The following CDIP1 variants were observed in gnomAD, a reference collection of about 807,000 sequenced individuals.
The protein encoded by CDIP1 is cell death-inducing p53-target protein 1.
CDIP1 carries 9 observed loss-of-function variants against 17.7 expected under a neutral mutation model. The ratio of observed to expected loss-of-function variants is 0.51; its 90% CI spans 0.31 to 0.89. The LOEUF is 0.89. Ranked by LOEUF, CDIP1 falls within the 40% of genes least tolerant of loss-of-function variation. The pLI, the probability that CDIP1 is intolerant of heterozygous loss-of-function variation, is 0.05. For missense variants in CDIP1, 263 were observed against 277.9 expected (o/e 0.95, Z 0.38); for synonymous variants, 117 against 109.5 (o/e 1.07, Z -0.43).
chr16:4,516,354 T>A (rs1201180568), intron 1 of CDIP1, among the ~76,000 whole-genome samples: 1 of 152,204 alleles, frequency 6.6e-6, no homozygotes, highest in Non-Finnish European at 1.5e-5. Flanking sequence ...ATTCTGTGAA[T>A]AACTAAAAAC....
At chr16:4,515,969 T>G (rs2058883065) in intron 1 of CDIP1, among the ~76,000 whole-genome samples, 1 of 152,186 alleles carries the variant, frequency 6.6e-6, no homozygotes, top group Non-Finnish European at 1.5e-5. Flanking sequence ...CACAGAAATT[T>G]GTACACAAAT....
At chr16:4,528,475 C>CT (rs146365475) in intron 1 of CDIP1, among the ~76,000 whole-genome samples, 39 of 152,192 alleles carry the variant, frequency 2.6e-4, no homozygotes, top group African/African-American at 9.4e-4. Flanking sequence ...TGTGGAGTTT[C>CT]TAGTTTTTTA....
At chr16:4,531,466 C>A (rs1162355241) in intron 1 of CDIP1, among the ~76,000 whole-genome samples, 1 of 152,134 alleles carries the variant, frequency 6.6e-6, no homozygotes, top group African/African-American at 2.4e-5. Flanking sequence ...GGCCAGAGAA[C>A]ACCTTTTGGA....
intron 1 of CDIP1, among the ~76,000 whole-genome samples, chr16:4,535,980 G>GGGGAAAGGGAACCTCCTGT (rs1298476244): frequency 6.6e-6 from 1 of 152,178 alleles, no homozygotes; most frequent in East Asian, 1.9e-4. Context: ...TCCCCTCGTG[G>GGGGAAAGGGAACCTCCTGT]GGGAAAGGGA....
chr16:4,522,002 C>A (rs893079086), intron 1 of CDIP1, among the ~76,000 whole-genome samples: 1 of 152,186 alleles, frequency 6.6e-6, no homozygotes, highest in Admixed American at 6.5e-5. Flanking sequence ...GGTATTGACG[C>A]CTCTGCCATG....
In CDIP1 at chr16:4,511,796, T is replaced by G. The variant is rs1317857320; in HGVS notation, c.*776A>C. On this transcript the variant is annotated 3_prime_UTR_variant, in exon 6 of 6. Transcript: ENST00000567695. Reference sequence around the variant, plus strand: ...GGAAGGGGCTAGGCTCAGGGGCTCCTTCCGGCCCCAGCAATACAGGGTTCA... The same window carrying G: ...GGAAGGGGCTAGGCTCAGGGGCTCCGTCCGGCCCCAGCAATACAGGGTTCA... The G allele has an allele frequency of 6.5e-6, 1 of 152,692 alleles. No homozygotes were observed. Among genetic ancestry groups the G allele is most frequent in the Non-Finnish European group, 1.5e-5 (1 of 68,446 alleles). The allele number at this position is 152,692 out of a possible 1,614,324, so 9.5% of individuals were successfully genotyped here.
At chr16:4,534,325 G>A (rs1158442992) in intron 1 of CDIP1, among the ~76,000 whole-genome samples, 1 of 152,194 alleles carries the variant, frequency 6.6e-6, no homozygotes, top group African/African-American at 2.4e-5. Flanking sequence ...AGACTCCACT[G>A]CGTCCTCAGG....
chr16:4,522,584 A>C (rs2058962154), intron 1 of CDIP1: 1 of 152,272 alleles, frequency 6.6e-6, no homozygotes, highest in Admixed American at 6.5e-5. Context: ...TGAATAAAGG[A>C]GGTGCCCACT....
At chr16:4,527,222 G>C (rs567279514) in intron 1 of CDIP1, among the ~76,000 whole-genome samples, 6 of 151,928 alleles carry the variant, frequency 3.9e-5, no homozygotes, top group Non-Finnish European at 8.8e-5. Context: ...CGAGTAGCTG[G>C]GACTACAGGC....
In CDIP1 at chr16:4,513,145, C is replaced by T. The variant is rs899731712; in HGVS notation, c.242-81G>A. 8.1e-6 allele frequency: 11 copies of T among 1,355,584 alleles called. No individual in the cohort carries two copies. Among genetic ancestry groups the T allele is most frequent in the African/African-American group, 5.8e-5 (4 of 69,298 alleles). 84.0% of individuals were successfully genotyped at this position (1,355,584 alleles called of 1,614,324 possible). A position where few individuals can be genotyped will look rare whatever the true frequency, so the allele number is the denominator to read the frequency against. ...ACAAAGAGATTGGCGCAAAGCCCCA[C>T]GGTCCACAGCGCCCAGCGTGCAAGG... On this transcript the variant is annotated intron_variant, in intron 4 of 5. Coordinates refer to ENST00000567695, the MANE Select transcript of CDIP1 (RefSeq NM_013399.3). This position sits in a 1 kb window ranked among gnomAD's most constrained non-coding sequence, Gnocchi z 4.1.
intron 1 of CDIP1, among the ~76,000 whole-genome samples, chr16:4,515,381 T>C (rs72768340): frequency 0.044 from 6,751 of 152,240 alleles, 170 homozygotes; most frequent in Middle Eastern, 0.15. Flanking sequence ...TAGAAGAAAA[T>C]GCAGGCATCA....
chr16:4,515,254 G>C (rs953214289), intron 1 of CDIP1: 3 of 152,194 alleles, frequency 2.0e-5, no homozygotes, highest in African/African-American at 7.2e-5. Context: ...GGGCACATAA[G>C]TTTGAATATA....
intron 1 of CDIP1, among the ~76,000 whole-genome samples, chr16:4,529,908 G>A (rs1400703953): frequency 6.6e-6 from 1 of 152,256 alleles, no homozygotes; most frequent in Non-Finnish European, 1.5e-5. Context: ...CCTTAGCCAG[G>A]GAGCTGGGCT....
chr16:4,513,810 G>A lies in CDIP1; in HGVS notation c.127C>T (p.Pro43Ser). The A allele has an allele frequency of 6.3e-7, 1 of 1,599,004 alleles. No individual in the cohort carries two copies. The highest frequency in any genetic ancestry group is 8.5e-7 in the Non-Finnish European group (1 of 1,171,894). ...PAVMQPPPGM[P>S]LPPADIGPPP... ...GGGCCAATGTCCGCAGGGGGCAGTG[G>A]CATGCCTGGAGGGGGCTGCATCACA... Residue 43 changes from proline to serine, a missense_variant, in exon 4 of 6, where the codon CCA (proline) becomes TCA (serine). By Grantham distance (74) the Pro-to-Ser change is moderately conservative. Transcript: ENST00000567695. The surrounding 1 kb of genome is among the most constrained non-coding windows in gnomAD (Gnocchi z 4.1).
Position 4,514,603 on chromosome 16 carries a change from G to A in CDIP1, c.-43C>T. On this transcript the variant is annotated 5_prime_UTR_variant, in exon 2 of 6. Coordinates refer to ENST00000567695, the MANE Select transcript of CDIP1 (RefSeq NM_013399.3). The surrounding 1 kb of genome is among the most constrained non-coding windows in gnomAD (Gnocchi z 5.2). The stretch of plus-strand genomic sequence containing the variant: ...AAATCCGTGCTACTCAGAGAAGGGA[G>A]GCAGGTGAGGCTCCTTCAGCTGCTG... 6.4e-6 allele frequency: 1 copy of A among 155,672 alleles called. No homozygotes were observed. The highest frequency in any genetic ancestry group is 2.0e-4 in the South Asian group (1 of 5,048). The allele number at this position is 155,672 out of a possible 1,614,324, so 9.6% of individuals were successfully genotyped here.
At chr16:4,515,898 A>G (rs2058882108) in intron 1 of CDIP1, among the ~76,000 whole-genome samples, 1 of 152,188 alleles carries the variant, frequency 6.6e-6, no homozygotes, top group South Asian at 2.1e-4. Flanking sequence ...ACCTAGAGTT[A>G]CCAGATGACC....
intron 1 of CDIP1, among the ~76,000 whole-genome samples, chr16:4,520,328 C>T (rs959772752): frequency 2.0e-5 from 3 of 152,194 alleles, no homozygotes; most frequent in African/African-American, 7.2e-5. Flanking sequence ...TGGTCTCAAT[C>T]TCTTGACCTC....
rs1178832740 is a variant in CDIP1, at chr16:4,511,749, C to G, written c.*823G>C. On this transcript the variant is annotated 3_prime_UTR_variant, in exon 6 of 6. Transcript: ENST00000567695. ...ACCAGGCAGAGGTCATACCCACACG[C>G]AGTGAGGACACAGGGCAGACGGGAA... The G allele has an allele frequency of 6.6e-6, 1 of 152,522 alleles. No homozygotes were observed. Among genetic ancestry groups the G allele is most frequent in the Admixed American group, 6.5e-5 (1 of 15,286 alleles). The allele number at this position is 152,522 out of a possible 1,614,324, so 9.4% of individuals were successfully genotyped here. A position where few individuals can be genotyped will look rare whatever the true frequency, so the allele number is the denominator to read the frequency against.
At chr16:4,523,060 T>G (rs979588278) in intron 1 of CDIP1, among the ~76,000 whole-genome samples, 2 of 152,212 alleles carry the variant, frequency 1.3e-5, no homozygotes, top group Admixed American at 1.3e-4. Flanking sequence ...GCTGACCACG[T>G]AGCTGTTCCG....
Sources: allele counts gnomAD v4.1 joint callset (sites outside exome capture counted in the v4.1 genomes callset), GRCh38; gene constraint gnomAD v4.1.1; non-coding constraint Gnocchi (gnomAD v3.1); transcripts MANE v1.5; gene names NCBI Gene and HGNC (gene_info 2026-07-23, HGNC 2026-07-21).